DLGAP2: variants seen among roughly 807,000 people sequenced by gnomAD.
DLGAP2 encodes DLG associated protein 2, also known as disks large-associated protein 2.
In DLGAP2, 26 loss-of-function variants were observed where a neutral mutation model predicts 100.3. The observed-to-expected ratio is 0.26, with a 90% CI of 0.19 to 0.36. The LOEUF is 0.36. DLGAP2 is among the 10% of genes least tolerant of loss of function. The pLI is 1.00. For missense variants in DLGAP2, 1,858 were observed against 1,453.2 expected (o/e 1.28, Z -4.53); for synonymous variants, 886 against 630.1 (o/e 1.41, Z -6.08).
intron 10 of DLGAP2, among the ~76,000 whole-genome samples, chr8:1,672,773 C>T (rs571888677): frequency 6.6e-6 from 1 of 152,364 alleles, no homozygotes; most frequent in Admixed American, 6.5e-5. Context: ...GGCCACTCAC[C>T]TGTAGCTCTG....
chr8:1,583,463 G>A (rs1030540434), intron 6 of DLGAP2, among the ~76,000 whole-genome samples: 22 of 152,318 alleles, frequency 1.4e-4, no homozygotes, highest in African/African-American at 5.1e-4. Context: ...GGCCTGTGGC[G>A]GGTGGCTGTG....
At chr8:1,589,637 G>A (rs1796231153) in intron 6 of DLGAP2, among the ~76,000 whole-genome samples, 1 of 152,130 alleles carries the variant, frequency 6.6e-6, no homozygotes, top group African/African-American at 2.4e-5. Context: ...TTGTAGAGAT[G>A]GGGTTTCATC....
intron 1 of DLGAP2, among the ~76,000 whole-genome samples, chr8:801,207 G>T (rs550296063): frequency 6.6e-6 from 1 of 152,340 alleles, no homozygotes; most frequent in Admixed American, 6.5e-5. Flanking sequence ...ACGCAGAGTG[G>T]CAAGCAGCCG....
At chr8:1,237,618 C>T (rs1166250958) in intron 2 of DLGAP2, among the ~76,000 whole-genome samples, 5 of 124,890 alleles carry the variant, frequency 4.0e-5, no homozygotes, top group African/African-American at 6.3e-5. Flanking sequence ...TGTCTAGTTA[C>T]GTCTCACATG....
chr8:1,164,744 T>C (rs1397875628), intron 2 of DLGAP2, among the ~76,000 whole-genome samples: 1 of 152,114 alleles, frequency 6.6e-6, no homozygotes. Flanking sequence ...CCGAAACAAA[T>C]GTCTGAGGTC....
chr8:1,184,778 G>T (rs1797463683), intron 2 of DLGAP2, among the ~76,000 whole-genome samples: 1 of 152,202 alleles, frequency 6.6e-6, no homozygotes, highest in Non-Finnish European at 1.5e-5. Context: ...ACGATGACTG[G>T]TTGGTGAATC....
chr8:812,477 T>C (rs1796390752), intron 1 of DLGAP2, among the ~76,000 whole-genome samples: 1 of 152,122 alleles, frequency 6.6e-6, no homozygotes, highest in Non-Finnish European at 1.5e-5. Context: ...AATGTAAAAT[T>C]GAAGAAAGGG....
intron 12 of DLGAP2, among the ~76,000 whole-genome samples, chr8:1,683,934 ATG>A (rs1191511331): frequency 1.1e-5 from 1 of 93,534 alleles, no homozygotes; most frequent in Non-Finnish European, 2.0e-5. Flanking sequence ...GTGTGTATAT[ATG>A]TGTATATATA....
At chr8:820,317 A>G (rs1796560320) in intron 1 of DLGAP2, among the ~76,000 whole-genome samples, 1 of 152,234 alleles carries the variant, frequency 6.6e-6, no homozygotes, top group Non-Finnish European at 1.5e-5. Context: ...TAAATCACAG[A>G]AACAGTGAAG....
chr8:982,956 G>T (rs1161779321), intron 2 of DLGAP2, among the ~76,000 whole-genome samples: 1 of 137,744 alleles, frequency 7.3e-6, no homozygotes, highest in Non-Finnish European at 1.5e-5. Flanking sequence ...CCTTAAGAAA[G>T]ATTTGCCAAA....
At chr8:1,182,967 A>G (rs1424358173) in intron 2 of DLGAP2, among the ~76,000 whole-genome samples, 2 of 152,176 alleles carry the variant, frequency 1.3e-5, no homozygotes, top group African/African-American at 4.8e-5. Flanking sequence ...AGCCGGTGGA[A>G]GGTAGACATT....
intron 4 of DLGAP2, among the ~76,000 whole-genome samples, chr8:1,506,304 A>T (rs890081077): frequency 1.3e-5 from 2 of 152,200 alleles, no homozygotes; most frequent in African/African-American, 2.4e-5. Context: ...TCTTCAGGGA[A>T]ATTTATAGAA....
intron 2 of DLGAP2, among the ~76,000 whole-genome samples, chr8:1,131,585 G>A (rs778788927): frequency 6.6e-6 from 1 of 152,086 alleles, no homozygotes; most frequent in South Asian, 2.1e-4. Context: ...GGGCTTCACC[G>A]TGTGAATTTA....
chr8:988,744 C>G (rs1800561406), intron 2 of DLGAP2, among the ~76,000 whole-genome samples: 1 of 152,132 alleles, frequency 6.6e-6, no homozygotes, highest in Non-Finnish European at 1.5e-5. Flanking sequence ...GCCTCCATCT[C>G]CACCCTCCCT....
At chr8:1,181,346 CT>C (rs1585128441) in intron 2 of DLGAP2, among the ~76,000 whole-genome samples, 1 of 152,240 alleles carries the variant, frequency 6.6e-6, no homozygotes, top group Admixed American at 6.5e-5. Flanking sequence ...ACTGTTTGAT[CT>C]TTAACAATGG....
intron 8 of DLGAP2, among the ~76,000 whole-genome samples, chr8:1,665,443 G>A (rs867251135): frequency 1.3e-5 from 2 of 152,206 alleles, no homozygotes; most frequent in East Asian, 1.9e-4. Flanking sequence ...ATGTGCCATC[G>A]TTCACTGCTT....
intron 3 of DLGAP2, among the ~76,000 whole-genome samples, chr8:1,445,750 T>C (rs1322050434): frequency 6.6e-6 from 1 of 152,172 alleles, no homozygotes; most frequent in Non-Finnish European, 1.5e-5. Context: ...CTCCAGCACC[T>C]GTTGTTTCCT....
At chr8:1,689,360 G>T (rs1211380364) in intron 12 of DLGAP2, among the ~76,000 whole-genome samples, 1 of 152,212 alleles carries the variant, frequency 6.6e-6, no homozygotes, top group Admixed American at 6.5e-5. Flanking sequence ...CATGTGTCTA[G>T]GCAAAACCTC....
intron 1 of DLGAP2, among the ~76,000 whole-genome samples, chr8:905,813 C>G (rs1798367547): frequency 1.3e-5 from 2 of 151,300 alleles, no homozygotes. Flanking sequence ...CCCTCCCGCC[C>G]CCAAGCACGT....
Sources: allele counts gnomAD v4.1 joint callset (sites outside exome capture counted in the v4.1 genomes callset), GRCh38; gene constraint gnomAD v4.1.1; transcripts MANE v1.5; gene names NCBI Gene and HGNC (gene_info 2026-07-23, HGNC 2026-07-21).